KCND2: variants seen among roughly 807,000 people sequenced by gnomAD.
KCND2 encodes potassium voltage-gated channel subfamily D member 2, also known as A-type voltage-gated potassium channel KCND2.
Under a neutral mutation model 54.4 loss-of-function variants are expected in KCND2, and 16 were observed. That is an observed-to-expected ratio of 0.29 (90% CI 0.20 to 0.45). The LOEUF (loss-of-function observed/expected upper bound fraction) is 0.45, where lower values mean the gene tolerates loss of function less well. Ranked by LOEUF, KCND2 falls within the 20% of genes least tolerant of loss-of-function variation. KCND2 has a pLI of 1.00. For missense variants in KCND2, 486 were observed against 824.2 expected (o/e 0.59, Z 5.02); for synonymous variants, 317 against 310.7 (o/e 1.02, Z -0.21).
At chr7:120,313,990 G>C (rs1395423121) in intron 1 of KCND2, among the ~76,000 whole-genome samples, 1 of 150,324 alleles carries the variant, frequency 6.7e-6, no homozygotes, top group Non-Finnish European at 1.5e-5. Flanking sequence ...GCTTCTACTT[G>C]CTTCAAAAAG....
intron 1 of KCND2, among the ~76,000 whole-genome samples, chr7:120,466,351 A>G (rs964879197): frequency 6.6e-6 from 1 of 152,170 alleles, no homozygotes; most frequent in Non-Finnish European, 1.5e-5. Context: ...ATAGAGAGTA[A>G]TACTGTTCAC....
At chr7:120,344,433 A>G (rs1800283433) in intron 1 of KCND2, among the ~76,000 whole-genome samples, 1 of 152,170 alleles carries the variant, frequency 6.6e-6, no homozygotes, top group Admixed American at 6.6e-5. Context: ...CAGCACCTTC[A>G]TATTTAGCCT....
intron 1 of KCND2, among the ~76,000 whole-genome samples, chr7:120,384,840 C>T (rs540448495): frequency 6.6e-6 from 1 of 152,020 alleles, no homozygotes; most frequent in African/African-American, 2.4e-5. Flanking sequence ...AACAGCCATA[C>T]ACAAGGAGAA....
chr7:120,613,512 C>T (rs1269682082), intron 1 of KCND2, among the ~76,000 whole-genome samples: 1 of 152,082 alleles, frequency 6.6e-6, no homozygotes, highest in African/African-American at 2.4e-5. Context: ...GCCTGGGAGA[C>T]AGAGCGAGAC....
At chr7:120,333,768 A>G (rs1438413397) in intron 1 of KCND2, among the ~76,000 whole-genome samples, 1 of 152,112 alleles carries the variant, frequency 6.6e-6, no homozygotes, top group Non-Finnish European at 1.5e-5. Context: ...TCTGGGTTCA[A>G]TAGAGTTATC....
chr7:120,733,110 T>C (rs1792828171), intron 2 of KCND2, 45 bp downstream of exon 2: 3 of 1,598,554 alleles, frequency 1.9e-6, no homozygotes, highest in Non-Finnish European at 2.6e-6. Context: ...ACTTCCCACT[T>C]TTTATAATGA....
chr7:120,350,795 G>A (rs1800388858), intron 1 of KCND2, among the ~76,000 whole-genome samples: 1 of 152,100 alleles, frequency 6.6e-6, no homozygotes, highest in African/African-American at 2.4e-5. Flanking sequence ...AACATCCACA[G>A]CAAGTGAAAT....
intron 1 of KCND2, among the ~76,000 whole-genome samples, chr7:120,284,349 G>A (rs1799308983): frequency 6.6e-6 from 1 of 152,000 alleles, no homozygotes; most frequent in African/African-American, 2.4e-5. Context: ...CTTTCGTCAT[G>A]CTGTAGAAAT....
At chr7:120,613,707 G>T (rs942192579) in intron 1 of KCND2, among the ~76,000 whole-genome samples, 1 of 152,070 alleles carries the variant, frequency 6.6e-6, no homozygotes, top group African/African-American at 2.4e-5. Context: ...GGCTGGGGAG[G>T]TCCTTCATTT....
intron 1 of KCND2, among the ~76,000 whole-genome samples, chr7:120,632,392 A>G (rs1234739067): frequency 6.6e-6 from 1 of 152,198 alleles, no homozygotes; most frequent in African/African-American, 2.4e-5. Flanking sequence ...TTTCAAAGCC[A>G]GAGACAACAA....
intron 1 of KCND2, among the ~76,000 whole-genome samples, chr7:120,667,329 A>G (rs1472973767): frequency 6.6e-6 from 1 of 152,060 alleles, no homozygotes; most frequent in Admixed American, 6.6e-5. Flanking sequence ...AGATACATGT[A>G]CTTACAAAGT....
intron 1 of KCND2, among the ~76,000 whole-genome samples, chr7:120,539,285 A>G (rs963896422): frequency 2.0e-5 from 3 of 152,232 alleles, no homozygotes; most frequent in African/African-American, 7.2e-5. Flanking sequence ...TTGGGAGTTC[A>G]GAGACATCTC....
intron 1 of KCND2, among the ~76,000 whole-genome samples, chr7:120,355,071 T>C (rs1001299527): frequency 2.0e-5 from 3 of 152,206 alleles, no homozygotes; most frequent in South Asian, 2.1e-4. Flanking sequence ...TGCTTTTTCA[T>C]TGAAGCTCTC....
chr7:120,594,385 T>TG (rs71977513), intron 1 of KCND2, among the ~76,000 whole-genome samples: 17,882 of 152,134 alleles, frequency 0.12, 1,696 homozygotes, highest in African/African-American at 0.28. Context: ...CTCACAGTTC[T>TG]GTTGCTGTAA....
chr7:120,655,194 C>T (rs1791786105), intron 1 of KCND2, among the ~76,000 whole-genome samples: 1 of 151,744 alleles, frequency 6.6e-6, no homozygotes, highest in Non-Finnish European at 1.5e-5. Context: ...CTTTAATTTA[C>T]TTTTTCCCCC....
intron 1 of KCND2, among the ~76,000 whole-genome samples, chr7:120,581,554 G>T (rs539786427): frequency 2.0e-5 from 3 of 152,294 alleles, no homozygotes; most frequent in Admixed American, 2.0e-4. Flanking sequence ...GATAGCAACA[G>T]TCTAGTGCCT....
intron 1 of KCND2, among the ~76,000 whole-genome samples, chr7:120,705,918 A>T (rs1792461335): frequency 6.6e-6 from 1 of 151,690 alleles, no homozygotes; most frequent in Non-Finnish European, 1.5e-5. Flanking sequence ...TTCACCCCTA[A>T]TGTCCCCAGC....
At chr7:120,451,902 C>T (rs1802116673) in intron 1 of KCND2, among the ~76,000 whole-genome samples, 1 of 152,204 alleles carries the variant, frequency 6.6e-6, no homozygotes, top group Non-Finnish European at 1.5e-5. Context: ...CTAATAGGTA[C>T]CGATTAATCA....
intron 1 of KCND2, among the ~76,000 whole-genome samples, chr7:120,634,476 C>T (rs1001516767): frequency 6.6e-6 from 1 of 151,958 alleles, no homozygotes; most frequent in Admixed American, 6.6e-5. Flanking sequence ...GAACTGGTAC[C>T]GCCATACACT....
Sources: allele counts gnomAD v4.1 joint callset (sites outside exome capture counted in the v4.1 genomes callset), GRCh38; gene constraint gnomAD v4.1.1; transcripts MANE v1.5; gene names NCBI Gene and HGNC (gene_info 2026-07-23, HGNC 2026-07-21).